ST3GAL3: variants seen among roughly 807,000 people sequenced by gnomAD.
ST3GAL3 encodes CMP-N-acetylneuraminate-beta-1,4-galactoside alpha-2,3-sialyltransferase.
Under a neutral mutation model 50.1 loss-of-function variants are expected in ST3GAL3, and 21 were observed. The ratio of observed to expected loss-of-function variants is 0.42; its 90% confidence interval spans 0.30 to 0.60. The LOEUF is 0.60. Among genes scored for constraint, ST3GAL3 ranks in the 20% least tolerant of loss-of-function variants. ST3GAL3 has a pLI of 0.19. For synonymous variants in ST3GAL3, 183 were observed against 190.0 expected (o/e 0.96, Z 0.30); for missense variants, 353 against 489.4 (o/e 0.72, Z 2.63).
intron 1 of ST3GAL3, among the ~76,000 whole-genome samples, chr1:43,733,873 T>G (rs1677017439): frequency 6.6e-6 from 1 of 152,184 alleles, no homozygotes; most frequent in South Asian, 2.1e-4. Flanking sequence ...CCCAGCACTT[T>G]GGGAGGCCGA....
chr1:43,899,070 G>A lies in ST3GAL3; in HGVS notation c.462-98G>A. 6.4e-7 allele frequency: 1 copy of A among 1,552,106 alleles called. No individual in the cohort carries two copies. On this transcript the variant is annotated intron_variant, in intron 7 of 11. Transcript: ENST00000347631. This position sits in a 1 kb window ranked among gnomAD's most constrained non-coding sequence, Gnocchi z 5.4. ...TGGTCTTCTTCCTCTATCCCAGCCT[G>A]GTCCTGGACAAGGGCGTGGGGTCAA...
intron 5 of ST3GAL3, among the ~76,000 whole-genome samples, chr1:43,877,383 C>T (rs2074314919): frequency 6.6e-6 from 1 of 152,126 alleles, no homozygotes; most frequent in African/African-American, 2.4e-5. Context: ...TTGGCTCACC[C>T]TTCTCACTTC....
Position 43,713,216 on chromosome 1 carries a change from C to T in ST3GAL3, c.-31+5523C>T, listed in dbSNP as rs1665661787. The stretch of plus-strand genomic sequence containing the variant: ...TTCCTAGGGCTAGATGAGCAGCAGA[C>T]CAGGATTTCAGTCATAGCCTGGCCA... On this transcript the variant is annotated intron_variant, in intron 1 of 11. Coordinates refer to ENST00000347631, the MANE Select transcript of ST3GAL3 (RefSeq NM_006279.5). Among the ~76,000 whole-genome samples, 4 of 152,130 alleles carry T rather than the reference C, an allele frequency of 2.6e-5. No individual in the cohort carries two copies. In the South Asian group the frequency reaches 8.3e-4, roughly 32 times the overall value.
intron 2 of ST3GAL3, among the ~76,000 whole-genome samples, chr1:43,772,931 T>C (rs1047266623): frequency 3.9e-5 from 6 of 152,140 alleles, no homozygotes; most frequent in Non-Finnish European, 7.4e-5. Flanking sequence ...GTATTTTTAG[T>C]AGAGATGGGA....
rs1685552209 is a variant in ST3GAL3, at chr1:43,750,366, A to G, written c.118+13986A>G. ...TTTGCCTACAAAAAGAGTTGTAAAC[A>G]AATGTTGGTGGCAGCTTTATTAACA... On this transcript the variant is annotated intron_variant, in intron 2 of 11. Transcript: ENST00000347631. 2.6e-5 allele frequency among the ~76,000 whole-genome samples: 4 copies of G among 152,346 alleles called. No homozygotes were observed. In the South Asian group the frequency reaches 8.3e-4, roughly 32 times the overall value.
intron 2 of ST3GAL3, 106 bp from the exon 3 acceptor site, chr1:43,791,996 C>A: frequency 7.3e-7 from 1 of 1,371,856 alleles, no homozygotes; most frequent in South Asian, 1.2e-5. Flanking sequence ...ACTGAGTTCC[C>A]TTCCAGTTGA....
At chr1:43,822,448 T>C (rs2062228809) in intron 4 of ST3GAL3, among the ~76,000 whole-genome samples, 1 of 152,208 alleles carries the variant, frequency 6.6e-6, no homozygotes, top group Non-Finnish European at 1.5e-5. Context: ...ACTTTAATGC[T>C]CAGTCTAATT....
At chr1:43,929,945 A>G (rs1420867995) in intron 11 of ST3GAL3, 187 bp from the exon 12 acceptor site, 1 of 747,298 alleles carries the variant, frequency 1.3e-6, no homozygotes, top group African/African-American at 1.7e-5. Flanking sequence ...AGGGAGGAGG[A>G]TGAGCTGTGG....
intron 4 of ST3GAL3, among the ~76,000 whole-genome samples, chr1:43,831,323 G>A (rs181871273): frequency 6.6e-6 from 1 of 152,336 alleles, no homozygotes; most frequent in Non-Finnish European, 1.5e-5. Flanking sequence ...ATAACGTTTT[G>A]CAAGGCCTCT....
intron 9 of ST3GAL3, among the ~76,000 whole-genome samples, chr1:43,903,798 T>G (rs2078693895): frequency 6.6e-6 from 1 of 152,120 alleles, no homozygotes; most frequent in Admixed American, 6.5e-5. Flanking sequence ...TTACACAGAT[T>G]TGGGTTTAAG....
chr1:43,907,279 G>T (rs368897077), intron 9 of ST3GAL3, among the ~76,000 whole-genome samples: 2 of 152,122 alleles, frequency 1.3e-5, no homozygotes, highest in East Asian at 3.9e-4. Flanking sequence ...GTGCAGTCCC[G>T]TTCTTCAAGC....
At chr1:43,815,277 A>G (rs372680938) in intron 4 of ST3GAL3, among the ~76,000 whole-genome samples, 9 of 152,232 alleles carry the variant, frequency 5.9e-5, no homozygotes, top group South Asian at 4.2e-4. Flanking sequence ...GGGCCTCTCA[A>G]AGATGCTCTG....
chr1:43,816,507 GA>G (rs1288181129), intron 4 of ST3GAL3, among the ~76,000 whole-genome samples: 2 of 151,952 alleles, frequency 1.3e-5, no homozygotes, highest in Non-Finnish European at 1.5e-5. Flanking sequence ...TAGTACTCTG[GA>G]AAAAAACAAA....
intron 3 of ST3GAL3, among the ~76,000 whole-genome samples, chr1:43,793,295 C>T (rs2058307458): frequency 6.6e-6 from 1 of 151,972 alleles, no homozygotes; most frequent in Non-Finnish European, 1.5e-5. Flanking sequence ...TGTTTTGATA[C>T]AGGCATACAA....
chr1:43,709,986 G>T (rs987683723), intron 1 of ST3GAL3, among the ~76,000 whole-genome samples: 1 of 151,998 alleles, frequency 6.6e-6, no homozygotes, highest in South Asian at 2.1e-4. Flanking sequence ...ACCCAGAAGC[G>T]GCACCTCAAG....
intron 9 of ST3GAL3, among the ~76,000 whole-genome samples, chr1:43,910,367 T>G (rs575517256): frequency 1.2e-4 from 19 of 152,258 alleles, no homozygotes; most frequent in Admixed American, 6.5e-4. Context: ...TGAAGACAAA[T>G]CTCATCTTCT....
intron 11 of ST3GAL3, among the ~76,000 whole-genome samples, chr1:43,925,799 A>G (rs2083817424): frequency 6.6e-6 from 1 of 152,228 alleles, no homozygotes; most frequent in African/African-American, 2.4e-5. Flanking sequence ...AAGGTGCCAC[A>G]TCGTGGAGGC....
intron 5 of ST3GAL3, among the ~76,000 whole-genome samples, chr1:43,886,225 A>G (rs1304823504): frequency 6.6e-6 from 1 of 152,186 alleles, no homozygotes; most frequent in Non-Finnish European, 1.5e-5. Flanking sequence ...TACTAAAAAT[A>G]CAAACATTAG....
At position 43,806,993 on chromosome 1, in the gene ST3GAL3, G is replaced by GA. The variant is rs377172704; in HGVS notation, c.167-7894dup. Among the ~76,000 whole-genome samples the GA allele has an allele frequency of 2.5e-3, 380 of 152,324 alleles. 3 individuals carry two copies. The highest frequency in any genetic ancestry group is 8.7e-3 in the African/African-American group (361 of 41,590). On this transcript the variant is annotated intron_variant, in intron 3 of 11. Coordinates refer to ENST00000347631, the MANE Select transcript of ST3GAL3 (RefSeq NM_006279.5). ...GGCGTCAGCCACTGTGCCCGGTAGG[G>GA]AAAATACTTTAAATAAAGAGAAAGA...
Sources: gnomAD v4.1 joint callset for allele counts (sites outside exome capture counted in the v4.1 genomes callset) on GRCh38, gnomAD v4.1.1 for gene constraint, Gnocchi (gnomAD v3.1) non-coding constraint, MANE v1.5 for transcripts, NCBI Gene and HGNC (gene_info 2026-07-23, HGNC 2026-07-21) for gene names.